DENND2B: variants seen among roughly 807,000 people sequenced by gnomAD.
DENND2B encodes the protein DENN domain-containing protein 2B.
DENND2B carries 32 observed loss-of-function variants against 116.0 expected under a neutral mutation model. The ratio of observed to expected loss-of-function variants is 0.28; its 90% CI spans 0.21 to 0.37. The LOEUF (loss-of-function observed/expected upper bound fraction) is 0.37, where lower values mean the gene tolerates loss of function less well. Among genes scored for constraint, DENND2B ranks in the 10% least tolerant of loss-of-function variants. DENND2B has a pLI of 1.00. For synonymous variants in DENND2B, 588 were observed against 583.9 expected (o/e 1.01, Z -0.10); for missense variants, 1,276 against 1,477.7 (o/e 0.86, Z 2.24).
intron 1 of DENND2B, among the ~76,000 whole-genome samples, chr11:8,773,163 A>G (rs1230655248): frequency 1.3e-5 from 2 of 152,148 alleles, no homozygotes; most frequent in African/African-American, 4.8e-5. Flanking sequence ...AGCCAAGAAG[A>G]CTGCAGACCC....
chr11:8,832,965 G>T (rs1034447805), intron 4 of DENND2B, among the ~76,000 whole-genome samples: 2 of 152,268 alleles, frequency 1.3e-5, no homozygotes, highest in Non-Finnish European at 2.9e-5. Flanking sequence ...GGAGCCCAAG[G>T]CAGGCACGCA....
At chr11:8,776,981 T>A (rs868711384) in intron 1 of DENND2B, among the ~76,000 whole-genome samples, 1 of 152,198 alleles carries the variant, frequency 6.6e-6, no homozygotes, top group South Asian at 2.1e-4. Context: ...ATTCTGACCA[T>A]AGGAGTAACT....
Position 8,699,354 on chromosome 11 carries a change from C to T in DENND2B, c.2757G>A (p.Leu919=). 1 of 1,606,528 alleles carries T rather than the reference C, an allele frequency of 6.2e-7. No individual in the cohort carries two copies. Among genetic ancestry groups the T allele is most frequent in the South Asian group, 1.1e-5 (1 of 90,232 alleles). ...LSSCSHAVVA[L]LYPFSWQHTF... ...TGTGCTGCCAGGAGAAGGGGTAGAG[C>T]AAGGCCACCACCGCGTGGGAGCAGC... Residue 919 remains leucine (L), a synonymous_variant, in exon 15 of 20, where the codon TTG becomes TTA. Transcript: ENST00000313726.
intron 13 of DENND2B, among the ~76,000 whole-genome samples, chr11:8,706,511 C>T (rs1335642365): frequency 6.6e-6 from 1 of 152,048 alleles, no homozygotes; most frequent in African/African-American, 2.4e-5. Flanking sequence ...CATCTCCCTC[C>T]TCCTGCTTCA....
rs140628409 is a variant in DENND2B, at chr11:8,794,072, T to C, written c.-26+16445A>G. 2.0e-5 allele frequency among the ~76,000 whole-genome samples: 3 copies of C among 152,354 alleles called. No individual in the cohort carries two copies. The East Asian group carries it at 5.8e-4, about 29-fold the overall frequency. On this transcript the variant is annotated intron_variant, in intron 1 of 19. Coordinates refer to ENST00000313726, the MANE Select transcript of DENND2B (RefSeq NM_213618.2). Reference sequence around the variant, plus strand: ...GGCATGGGTTTATAGAAGATGCTCATATTCTGCCTTACGTATTCCCCATTT... The same window carrying C: ...GGCATGGGTTTATAGAAGATGCTCACATTCTGCCTTACGTATTCCCCATTT...
chr11:8,764,432 G>T (rs1394610391), intron 1 of DENND2B, among the ~76,000 whole-genome samples: 1 of 152,168 alleles, frequency 6.6e-6, no homozygotes, highest in African/African-American at 2.4e-5. Flanking sequence ...TGTAATCTTA[G>T]TTACAACTAT....
chr11:8,784,596 C>T lies in DENND2B; in HGVS notation c.-26+25921G>A, dbSNP rs191933673. 513 of 152,172 alleles carry T rather than the reference C, an allele frequency of 3.4e-3. 4 individuals are homozygous for T. The highest frequency in any genetic ancestry group is 5.1e-3 in the Non-Finnish European group (348 of 68,040). The allele number at this position is 152,172 out of a possible 1,614,324, so 9.4% of individuals were successfully genotyped here. On this transcript the variant is annotated intron_variant, in intron 1 of 19. Transcript: ENST00000313726. ...CTCATGCCTGTAATCCCAGCACTTACGGAGGCCGAGGCGGGTGGGTCACCT... is the reference window on the plus strand; with the variant it reads ...CTCATGCCTGTAATCCCAGCACTTATGGAGGCCGAGGCGGGTGGGTCACCT...
intron 4 of DENND2B, among the ~76,000 whole-genome samples, chr11:8,725,464 T>C (rs1819509482): frequency 6.6e-6 from 1 of 150,706 alleles, no homozygotes; most frequent in African/African-American, 2.5e-5. Context: ...AACCTCTGCC[T>C]CCCGGGTTCA....
At chr11:8,897,099 T>C (rs2064111667) in intron 1 of DENND2B, among the ~76,000 whole-genome samples, 1 of 151,944 alleles carries the variant, frequency 6.6e-6, no homozygotes, top group Admixed American at 6.6e-5. Context: ...AAATTTTTTT[T>C]TTTAAAAACT....
intron 5 of DENND2B, among the ~76,000 whole-genome samples, chr11:8,716,988 G>A (rs1311990945): frequency 2.0e-5 from 3 of 152,206 alleles, no homozygotes; most frequent in African/African-American, 7.2e-5. Context: ...TCCAAAGGCA[G>A]AAGAAATCAT....
intron 13 of DENND2B, among the ~76,000 whole-genome samples, chr11:8,703,845 G>A (rs1331390951): frequency 2.0e-5 from 3 of 152,212 alleles, no homozygotes; most frequent in African/African-American, 7.2e-5. Flanking sequence ...TGTACTCCCA[G>A]AAGGCCCAGT....
At chr11:8,837,228 CTGAG>C (rs896017482) in intron 4 of DENND2B, among the ~76,000 whole-genome samples, 2 of 135,672 alleles carry the variant, frequency 1.5e-5, no homozygotes, top group African/African-American at 5.3e-5. Flanking sequence ...GTAGCTCTGT[CTGAG>C]TAAGTGTATT....
intron 11 of DENND2B, chr11:8,708,063 A>C: frequency 6.7e-7 from 1 of 1,487,148 alleles, no homozygotes; most frequent in South Asian, 1.3e-5. Context: ...AGGGTCTCCC[A>C]GCACCAGGTA....
intron 8 of DENND2B, 60 bp downstream of exon 8, chr11:8,713,938 A>G: frequency 6.4e-7 from 1 of 1,572,674 alleles, no homozygotes; most frequent in Non-Finnish European, 8.7e-7. Flanking sequence ...TCGGAAGGGA[A>G]GGCTGATTCC....
chr11:8,727,383 GA>G (rs1339141714), intron 3 of DENND2B, among the ~76,000 whole-genome samples: 1 of 152,084 alleles, frequency 6.6e-6, no homozygotes, highest in Non-Finnish European at 1.5e-5. Context: ...CAACACAACC[GA>G]ACACTCTTTA....
chr11:8,854,202 G>GTATT (rs1159120617), intron 3 of DENND2B, among the ~76,000 whole-genome samples: 2 of 149,978 alleles, frequency 1.3e-5, no homozygotes, highest in South Asian at 2.1e-4. Flanking sequence ...ATTTATTTAT[G>GTATT]TATTTATTTA....
At chr11:8,798,141 T>C (rs977924537) in intron 1 of DENND2B, among the ~76,000 whole-genome samples, 2 of 152,218 alleles carry the variant, frequency 1.3e-5, no homozygotes, top group Admixed American at 1.3e-4. Flanking sequence ...TTGATTTGTT[T>C]ACTTGTTTAC....
Position 8,694,136 on chromosome 11 carries a change from G to A in DENND2B, c.3380-6C>T. On this transcript the variant is annotated splice_polypyrimidine_tract_variant and splice_region_variant and intron_variant, in intron 19 of 19. Coordinates refer to ENST00000313726, the MANE Select transcript of DENND2B (RefSeq NM_213618.2). ...GAGAAACTTCATTTTGTTGCCTGTG[G>A]GCCAGAGAGGACAAGAGAGAATGTT... 1 of 1,614,110 alleles carries A rather than the reference G, an allele frequency of 6.2e-7. No individual in the cohort carries two copies. The highest frequency in any genetic ancestry group is 8.5e-7 in the Non-Finnish European group (1 of 1,180,016).
chr11:8,859,298 G>T (rs2436179), intron 2 of DENND2B, among the ~76,000 whole-genome samples: 93,431 of 129,612 alleles, frequency 0.72, 30,623 homozygotes, highest in East Asian at 0.91. Flanking sequence ...GTGTTTTTTT[G>T]TTTGTTTGTT....
Sources: allele counts gnomAD v4.1 joint callset (sites outside exome capture counted in the v4.1 genomes callset), GRCh38; gene constraint gnomAD v4.1.1; transcripts MANE v1.5; gene names NCBI Gene and HGNC (gene_info 2026-07-23, HGNC 2026-07-21).